LPP: variants seen among roughly 807,000 people sequenced by gnomAD.
The protein encoded by LPP is lipoma-preferred partner.
LPP carries 38 observed loss-of-function variants against 60.4 expected under a neutral mutation model. The ratio of observed to expected loss-of-function variants is 0.63; its 90% CI spans 0.49 to 0.83. The LOEUF (loss-of-function observed/expected upper bound fraction) is 0.83, where lower values mean the gene tolerates loss of function less well. LPP is among the 40% of genes least tolerant of loss of function. LPP has a pLI of 0.00. For missense variants in LPP, 902 were observed against 783.6 expected (o/e 1.15, Z -1.80); for synonymous variants, 328 against 290.8 (o/e 1.13, Z -1.30).
chr3:188,623,274 T>C (rs1176138843), intron 7 of LPP, among the ~76,000 whole-genome samples: 4 of 151,138 alleles, frequency 2.6e-5, no homozygotes, highest in African/African-American at 9.7e-5. Context: ...TTTTTTTTTT[T>C]TGAAAGAGAG....
chr3:188,571,670 C>T (rs1325908749), intron 6 of LPP, among the ~76,000 whole-genome samples: 1 of 151,992 alleles, frequency 6.6e-6, no homozygotes. Flanking sequence ...AGTCATACAG[C>T]GTATTTGCTA....
At chr3:188,420,363 T>C (rs1787470806) in intron 4 of LPP, among the ~76,000 whole-genome samples, 1 of 152,210 alleles carries the variant, frequency 6.6e-6, no homozygotes, top group South Asian at 2.1e-4. Context: ...GTGTTTTTAC[T>C]ATTGAACTAT....
At chr3:188,212,058 C>G (rs1484796637) in intron 1 of LPP, among the ~76,000 whole-genome samples, 1 of 152,068 alleles carries the variant, frequency 6.6e-6, no homozygotes, top group East Asian at 1.9e-4. Context: ...CAGTTTTCAC[C>G]ATGTTGGCCA....
At chr3:188,462,626 GTGTGTGTGTTACTT>G (rs1799405860) in intron 4 of LPP, among the ~76,000 whole-genome samples, 1 of 116,024 alleles carries the variant, frequency 8.6e-6, no homozygotes, top group Non-Finnish European at 1.8e-5. Context: ...GTGTGTGTGT[GTGTGTGTGTTACTT>G]TTTTGGGTGT....
chr3:188,577,415 T>C (rs1443112384), intron 6 of LPP, among the ~76,000 whole-genome samples: 3 of 152,028 alleles, frequency 2.0e-5, no homozygotes, highest in African/African-American at 7.2e-5. Flanking sequence ...TTTCTTGAAA[T>C]CTAATGGTCA....
intron 2 of LPP, among the ~76,000 whole-genome samples, chr3:188,312,172 C>G (rs1753677812): frequency 6.6e-6 from 1 of 152,010 alleles, no homozygotes; most frequent in African/African-American, 2.4e-5. Flanking sequence ...CACACAAACA[C>G]ACACAGATAT....
intron 7 of LPP, among the ~76,000 whole-genome samples, chr3:188,658,607 C>T (rs1327564417): frequency 6.6e-6 from 1 of 152,172 alleles, no homozygotes; most frequent in East Asian, 1.9e-4. Flanking sequence ...GCATTTCTAT[C>T]TTTGGAGGCA....
At chr3:188,324,961 A>G (rs928667952) in intron 2 of LPP, among the ~76,000 whole-genome samples, 1 of 151,958 alleles carries the variant, frequency 6.6e-6, no homozygotes, top group Non-Finnish European at 1.5e-5. Flanking sequence ...AGATGACTCT[A>G]TGTTCTCTCC....
At chr3:188,733,636 G>A (rs1011799602) in intron 8 of LPP, among the ~76,000 whole-genome samples, 12 of 152,042 alleles carry the variant, frequency 7.9e-5, no homozygotes, top group Non-Finnish European at 1.6e-4. Context: ...TTGATGTGTG[G>A]TTATTGCTAG....
At chr3:188,240,748 G>A (rs1393561511) in intron 2 of LPP, among the ~76,000 whole-genome samples, 1 of 152,116 alleles carries the variant, frequency 6.6e-6, no homozygotes, top group Non-Finnish European at 1.5e-5. Flanking sequence ...TTTGGTGGGA[G>A]GAGCATGGCA....
At chr3:188,339,487 A>G (rs560901527) in intron 2 of LPP, among the ~76,000 whole-genome samples, 1 of 152,324 alleles carries the variant, frequency 6.6e-6, no homozygotes, top group African/African-American at 2.4e-5. Flanking sequence ...TAATTGACTC[A>G]CAGTTCCACA....
chr3:188,354,424 A>G (rs1766891233), intron 3 of LPP, among the ~76,000 whole-genome samples: 1 of 152,152 alleles, frequency 6.6e-6, no homozygotes, highest in African/African-American at 2.4e-5. Context: ...CTATTTCTGT[A>G]CTTTGTGTGC....
chr3:188,468,078 T>A (rs1800916464), intron 4 of LPP, among the ~76,000 whole-genome samples: 1 of 152,176 alleles, frequency 6.6e-6, no homozygotes, highest in Non-Finnish European at 1.5e-5. Context: ...AAAATCATTT[T>A]AGTCCATTTC....
At chr3:188,257,980 T>G (rs184923361) in intron 2 of LPP, among the ~76,000 whole-genome samples, 6 of 152,356 alleles carry the variant, frequency 3.9e-5, no homozygotes, top group Non-Finnish European at 1.5e-5. Context: ...TACTTTCACC[T>G]GTACTATTAC....
chr3:188,687,088 T>C (rs960334374), intron 7 of LPP, among the ~76,000 whole-genome samples: 2 of 152,236 alleles, frequency 1.3e-5, no homozygotes, highest in Non-Finnish European at 2.9e-5. Context: ...TATGAGTCTT[T>C]AAATGAATAT....
At position 188,869,576 on chromosome 3, in the gene LPP, C is replaced by T. The variant is rs558206152; in HGVS notation, c.1590-3067C>T. ...AAAGTGCTGGGATTACAGGCGTGAG[C>T]CACTGCACCCAGCCTTAGTCTGCGT... On this transcript the variant is annotated intron_variant, in intron 10 of 11. Coordinates refer to ENST00000617246, the MANE Select transcript of LPP (RefSeq NM_001375462.1). Among the ~76,000 whole-genome samples, 793 of 152,332 alleles carry T rather than the reference C, an allele frequency of 5.2e-3. 1 individual carries two copies. Among genetic ancestry groups the T allele is most frequent in the Non-Finnish European group, 9.1e-3 (619 of 68,028 alleles).
At chr3:188,760,411 T>G (rs749589911) in intron 9 of LPP, 129 bp downstream of exon 9, 38 of 536,002 alleles carry the variant, frequency 7.1e-5, no homozygotes, top group African/African-American at 8.3e-5. Context: ...GTGTGTGGGG[T>G]GTGTGTGTGT....
At position 188,677,786 on chromosome 3, in the gene LPP, G is replaced by A. The variant is rs183098404; in HGVS notation, c.1114-30481G>A. Among the ~76,000 whole-genome samples the A allele has an allele frequency of 1.1e-4, 16 of 152,008 alleles. No individual in the cohort carries two copies. In the East Asian group the frequency reaches 1.9e-3, roughly 18 times the overall value. ...TGTTATGGAAGTACAACAGGAGCCC[G>A]GACTGTCCATTGTCATCTAAATGAT... is the stretch of plus-strand genomic sequence containing the variant. On this transcript the variant is annotated intron_variant, in intron 7 of 11. Transcript: ENST00000617246.
chr3:188,560,526 A>C lies in LPP; in HGVS notation c.429+35739A>C, dbSNP rs908325950. On this transcript the variant is annotated intron_variant, in intron 6 of 11. Transcript: ENST00000617246. ...GCTTCCAGTTCCGATTCTCAGATAA[A>C]CCTACTCTTTGACCCATGCCAAGTC... Among the ~76,000 whole-genome samples the C allele has an allele frequency of 5.3e-5, 8 of 152,204 alleles. No individual in the cohort carries two copies. The South Asian group carries it at 8.3e-4, about 16-fold the overall frequency.
Sources: allele counts gnomAD v4.1 joint callset (sites outside exome capture counted in the v4.1 genomes callset), GRCh38; gene constraint gnomAD v4.1.1; transcripts MANE v1.5; gene names NCBI Gene and HGNC (gene_info 2026-07-23, HGNC 2026-07-21).